The following STK32A variants were observed in gnomAD, a reference collection of about 807,000 sequenced individuals.
STK32A encodes the protein serine/threonine kinase 32A, also known as serine/threonine-protein kinase 32A.
A neutral mutation model predicts 53.2 loss-of-function variants in STK32A; 41 were observed. The observed-to-expected ratio is 0.77, with a 90% CI of 0.60 to 1.00. STK32A has a LOEUF of 1.00. Ranked by LOEUF, STK32A falls within the 50% of genes least tolerant of loss-of-function variation. STK32A has a pLI of 0.00. For missense variants in STK32A, 458 were observed against 485.8 expected (o/e 0.94, Z 0.54); for synonymous variants, 166 against 162.8 (o/e 1.02, Z -0.15).
intron 2 of STK32A, among the ~76,000 whole-genome samples, chr5:147,241,986 C>T (rs928004980): frequency 6.6e-6 from 1 of 152,128 alleles, no homozygotes; most frequent in African/African-American, 2.4e-5. Flanking sequence ...GCGGGATGCC[C>T]AAGAAAGCTA....
intron 5 of STK32A, chr5:147,342,730 T>C: frequency 2.3e-6 from 1 of 432,760 alleles, no homozygotes; most frequent in Non-Finnish European, 4.1e-6. Context: ...ATAGGAAGTT[T>C]AGAGTCTGAG....
chr5:147,333,303 G>C (rs1236026870), intron 5 of STK32A, among the ~76,000 whole-genome samples: 1 of 152,282 alleles, frequency 6.6e-6, no homozygotes, highest in Non-Finnish European at 1.5e-5. Context: ...CCCATTGCAA[G>C]TTGGGAGCAT....
At chr5:147,294,670 AT>A (rs945079471) in intron 4 of STK32A, among the ~76,000 whole-genome samples, 65 of 143,714 alleles carry the variant, frequency 4.5e-4, no homozygotes, top group African/African-American at 7.0e-4. Flanking sequence ...ATATCTAGTC[AT>A]TTTTTTTTTC....
chr5:147,328,607 T>A (rs893604813), intron 5 of STK32A, among the ~76,000 whole-genome samples: 2 of 152,202 alleles, frequency 1.3e-5, no homozygotes, highest in African/African-American at 4.8e-5. Context: ...AATGGCCAGT[T>A]TGAAGTATAA....
At chr5:147,389,352 A>ATT (rs111910679), downstream of STK32A, among the ~76,000 whole-genome samples, 1,724 of 152,224 alleles carry the variant, frequency 0.011, 39 homozygotes, top group African/African-American at 0.04. Context: ...TTGTGGAGTT[A>ATT]TTGGGAGTCC....
At chr5:147,356,519 A>G (rs1417460892) in intron 7 of STK32A, among the ~76,000 whole-genome samples, 1 of 152,204 alleles carries the variant, frequency 6.6e-6, no homozygotes, top group Non-Finnish European at 1.5e-5. Flanking sequence ...GTCTGATGCC[A>G]GAGCCCTAAC....
At chr5:147,268,626 A>T (rs1470934781) in intron 2 of STK32A, among the ~76,000 whole-genome samples, 2 of 152,068 alleles carry the variant, frequency 1.3e-5, no homozygotes, top group Non-Finnish European at 2.9e-5. Flanking sequence ...GGATGTGCTG[A>T]TCTTTTTTCT....
At chr5:147,244,939 A>C (rs568193192) in intron 2 of STK32A, among the ~76,000 whole-genome samples, 1 of 152,332 alleles carries the variant, frequency 6.6e-6, no homozygotes, top group African/African-American at 2.4e-5. Flanking sequence ...GAACTCTTTG[A>C]AGTACTTTAA....
intron 4 of STK32A, among the ~76,000 whole-genome samples, chr5:147,280,424 G>A (rs1226051071): frequency 6.7e-6 from 1 of 148,184 alleles, no homozygotes; most frequent in African/African-American, 2.5e-5. Context: ...GAGGGGGGTT[G>A]GGGATGGGGG....
At chr5:147,349,015 CCA>C (rs1755827521) in intron 6 of STK32A, among the ~76,000 whole-genome samples, 1 of 152,194 alleles carries the variant, frequency 6.6e-6, no homozygotes, top group African/African-American at 2.4e-5. Context: ...AGGCTCTTCA[CCA>C]CAGTCTCCAG....
the STK32A span, chr5:147,401,911 G>A: frequency 2.2e-6 from 1 of 456,324 alleles, no homozygotes. Flanking sequence ...GAAGCCATTG[G>A]TTGTTAGATG....
intron 5 of STK32A, among the ~76,000 whole-genome samples, chr5:147,327,667 C>G (rs1754667291): frequency 6.6e-6 from 1 of 152,226 alleles, no homozygotes; most frequent in South Asian, 2.1e-4. Context: ...ACTCAGTCTT[C>G]CCATAGCTCC....
intron 4 of STK32A, among the ~76,000 whole-genome samples, chr5:147,304,152 G>A (rs934567022): frequency 1.5e-4 from 23 of 152,262 alleles, no homozygotes; most frequent in African/African-American, 5.5e-4. Flanking sequence ...AGCTGTCTGG[G>A]CGGACATGAG....
intron 8 of STK32A, among the ~76,000 whole-genome samples, chr5:147,370,333 C>T (rs962979747): frequency 2.6e-5 from 4 of 152,050 alleles, no homozygotes; most frequent in Non-Finnish European, 5.9e-5. Flanking sequence ...TATATAATAC[C>T]TTATAAAACA....
chr5:147,373,448 G>A (rs190035722), intron 10 of STK32A, among the ~76,000 whole-genome samples, 154 bp downstream of exon 10: 6 of 152,234 alleles, frequency 3.9e-5, no homozygotes, highest in African/African-American at 1.4e-4. Context: ...ACATGCACAG[G>A]GTAAGTTTGT....
intron 2 of STK32A, among the ~76,000 whole-genome samples, chr5:147,244,005 T>C (rs1753686022): frequency 6.6e-6 from 1 of 152,142 alleles, no homozygotes. Flanking sequence ...TCTTCTCGAA[T>C]TGAAACTTTG....
At chr5:147,270,902 T>G (rs1011485849) in intron 2 of STK32A, among the ~76,000 whole-genome samples, 1 of 152,218 alleles carries the variant, frequency 6.6e-6, no homozygotes, top group African/African-American at 2.4e-5. Flanking sequence ...AAAATTAACA[T>G]ATTCTTTGCC....
At chr5:147,314,524 AAAC>A (rs1324406949) in intron 4 of STK32A, among the ~76,000 whole-genome samples, 273 of 20,110 alleles carry the variant, frequency 0.014, 20 homozygotes, top group African/African-American at 0.037. Context: ...AAACAAAAAA[AAAC>A]AAAAAAAAAA....
At chr5:147,335,834 C>T (rs770411377) in intron 5 of STK32A, among the ~76,000 whole-genome samples, 27 of 152,108 alleles carry the variant, frequency 1.8e-4, no homozygotes, top group African/African-American at 5.6e-4. Flanking sequence ...CGTGTGTGCG[C>T]GCATGTGTGC....
Sources: allele counts gnomAD v4.1 joint callset (sites outside exome capture counted in the v4.1 genomes callset), GRCh38; gene constraint gnomAD v4.1.1; transcripts MANE v1.5; gene names NCBI Gene and HGNC (gene_info 2026-07-23, HGNC 2026-07-21).